Variants in MTUS1 observed in about 807,000 individuals in gnomAD.
MTUS1 encodes the protein microtubule associated scaffold protein 1.
MTUS1 carries 109 observed loss-of-function variants against 120.8 expected under a neutral mutation model. The ratio of observed to expected loss-of-function variants is 0.90; its 90% CI spans 0.77 to 1.06. MTUS1 has a LOEUF of 1.06. Ranked by LOEUF, MTUS1 falls within the 50% of genes least tolerant of loss-of-function variation. The pLI is 0.00. For synonymous variants in MTUS1, 737 were observed against 550.5 expected (o/e 1.34, Z -4.74); for missense variants, 2,210 against 1,486.3 (o/e 1.49, Z -8.01).
chr8:17,647,318 A>C (rs2129995751), intron 13 of MTUS1: 1 of 413,972 alleles, frequency 2.4e-6, no homozygotes, highest in South Asian at 3.6e-5. Flanking sequence ...ACGAGTGGGT[A>C]ACAGATTTGT....
chr8:17,674,504 T>A (rs1812666626), intron 8 of MTUS1: 1 of 985,082 alleles, frequency 1.0e-6, no homozygotes, highest in African/African-American at 1.7e-5. Flanking sequence ...CCTAAGGGCT[T>A]CCAGGAGAGA....
intron 6 of MTUS1, among the ~76,000 whole-genome samples, chr8:17,692,653 C>G (rs1817184070): frequency 6.6e-6 from 1 of 152,116 alleles, no homozygotes; most frequent in African/African-American, 2.4e-5. Flanking sequence ...AGGGAAACAA[C>G]AGATGGGGGT....
chr8:17,764,089 G>C (rs1334504475), intron 1 of MTUS1, among the ~76,000 whole-genome samples: 1 of 152,124 alleles, frequency 6.6e-6, no homozygotes, highest in Non-Finnish European at 1.5e-5. Context: ...TTTTTGGTGG[G>C]GAAAGAACAG....
chr8:17,743,628 T>C lies in MTUS1; in HGVS notation c.2263A>G (p.Arg755Gly), dbSNP rs370790263. 5 of 1,614,136 alleles carry C rather than the reference T, an allele frequency of 3.1e-6. No homozygotes were observed. Among genetic ancestry groups the C allele is most frequent in the Middle Eastern group, 1.7e-4 (1 of 6,060 alleles). The change falls in exon 3 of 15, where the codon AGG becomes GGG. Residue 755 changes from arginine (R) to glycine (G), a missense_variant. Coordinates refer to ENST00000693296, the MANE Select transcript of MTUS1 (RefSeq NM_001363059.2). ...CCAGAACTGGACACACGCCTGATCCTCTGAGGAGATACGGCTCGATCAGCA... is the reference window on the plus strand; with the variant it reads ...CCAGAACTGGACACACGCCTGATCCCCTGAGGAGATACGGCTCGATCAGCA... ...PSADRAVSPQ[R>G]IRRVSSSGKP...
intron 3 of MTUS1, among the ~76,000 whole-genome samples, chr8:17,727,596 T>G (rs541631604): frequency 6.6e-6 from 1 of 152,334 alleles, no homozygotes; most frequent in South Asian, 2.1e-4. Context: ...TTAGGTTAAT[T>G]GAGAGACTGC....
At chr8:17,648,160 G>A (rs929144596) in intron 13 of MTUS1, among the ~76,000 whole-genome samples, 4 of 152,120 alleles carry the variant, frequency 2.6e-5, no homozygotes, top group African/African-American at 9.7e-5. Flanking sequence ...GGGCAGTGCC[G>A]GTTTCATGGG....
chr8:17,672,616 C>T (rs1165384935), intron 8 of MTUS1, among the ~76,000 whole-genome samples: 1 of 152,188 alleles, frequency 6.6e-6, no homozygotes, highest in East Asian at 1.9e-4. Context: ...TTTCGCTTCC[C>T]TCCACTTACA....
chr8:17,766,573 C>G (rs2049511027), intron 1 of MTUS1, among the ~76,000 whole-genome samples: 1 of 152,172 alleles, frequency 6.6e-6, no homozygotes, highest in Admixed American at 6.5e-5. Flanking sequence ...GCAATCTATG[C>G]GAACTCTGAA....
At chr8:17,710,265 T>C (rs1028099516) in intron 6 of MTUS1, among the ~76,000 whole-genome samples, 10 of 152,164 alleles carry the variant, frequency 6.6e-5, no homozygotes, top group African/African-American at 2.2e-4. Context: ...TGCTGTTTCA[T>C]AGCATTTTAC....
At chr8:17,665,538 T>G (rs1176732935) in intron 8 of MTUS1, among the ~76,000 whole-genome samples, 1 of 144,648 alleles carries the variant, frequency 6.9e-6, no homozygotes, top group African/African-American at 2.5e-5. Flanking sequence ...TTGTTGTGTT[T>G]TGAGTAGATA....
chr8:17,768,763 G>A (rs1323284780), intron 1 of MTUS1, among the ~76,000 whole-genome samples: 4 of 152,114 alleles, frequency 2.6e-5, no homozygotes, highest in Admixed American at 1.3e-4. Context: ...ACCACCAGCA[G>A]AGAAGAGAGA....
intron 6 of MTUS1, chr8:17,691,867 T>G (rs142706554): frequency 1.5e-4 from 23 of 152,322 alleles, no homozygotes; most frequent in Admixed American, 1.4e-3. Flanking sequence ...AATAACATAT[T>G]AAGCATACAA....
rs988702704 is a variant in MTUS1, at chr8:17,645,433, A to G, written c.*493T>C. 3 of 155,904 alleles carry G rather than the reference A, an allele frequency of 1.9e-5. No individual in the cohort carries two copies. The highest frequency in any genetic ancestry group is 7.2e-5 in the African/African-American group (3 of 41,478). 9.7% of individuals were successfully genotyped at this position (155,904 alleles called of 1,614,324 possible). On this transcript the variant is annotated 3_prime_UTR_variant, in exon 15 of 15. Coordinates refer to ENST00000693296, the MANE Select transcript of MTUS1 (RefSeq NM_001363059.2). ...ATTTGATTAGTACATATCCAGATAT[A>G]TTCAGATTTTGACATTTAATACACA... is the stretch of plus-strand genomic sequence containing the variant.
intron 8 of MTUS1, among the ~76,000 whole-genome samples, chr8:17,671,848 C>T (rs923735472): frequency 3.3e-5 from 5 of 152,148 alleles, no homozygotes; most frequent in Non-Finnish European, 7.4e-5. Context: ...GCTTTGATGA[C>T]GGCGATAGTG....
chr8:17,651,287 T>C (rs1448167931), intron 12 of MTUS1, among the ~76,000 whole-genome samples: 1 of 152,050 alleles, frequency 6.6e-6, no homozygotes, highest in Non-Finnish European at 1.5e-5. Context: ...AAGAACATAG[T>C]AGGGTGACTA....
At chr8:17,707,664 A>C (rs1459846453) in intron 6 of MTUS1, among the ~76,000 whole-genome samples, 1 of 152,206 alleles carries the variant, frequency 6.6e-6, no homozygotes, top group Non-Finnish European at 1.5e-5. Flanking sequence ...TCATACAGAA[A>C]ATCAAGGGAC....
At chr8:17,727,776 T>C (rs1293614930) in intron 3 of MTUS1, among the ~76,000 whole-genome samples, 1 of 152,228 alleles carries the variant, frequency 6.6e-6, no homozygotes, top group Non-Finnish European at 1.5e-5. Context: ...ACCTCAGTGG[T>C]TTATTTTAAG....
intron 4 of MTUS1, among the ~76,000 whole-genome samples, chr8:17,719,659 G>A (rs1377740626): frequency 6.6e-6 from 1 of 152,052 alleles, no homozygotes; most frequent in Non-Finnish European, 1.5e-5. Context: ...CTTTCCCTCT[G>A]AACCTGGAGG....
intron 7 of MTUS1, chr8:17,676,354 C>T: frequency 1.4e-6 from 1 of 702,906 alleles, no homozygotes; most frequent in East Asian, 2.7e-5. Flanking sequence ...CTCCAAGTCC[C>T]CCCACCCCTC....
Sources: gnomAD v4.1 joint callset for allele counts (sites outside exome capture counted in the v4.1 genomes callset) on GRCh38, gnomAD v4.1.1 for gene constraint, MANE v1.5 for transcripts, NCBI Gene and HGNC (gene_info 2026-07-23, HGNC 2026-07-21) for gene names.